The following ROBO3 variants were observed in gnomAD, a reference collection of about 807,000 sequenced individuals.
ROBO3 encodes the protein roundabout homolog 3.
Under a neutral mutation model 160.5 loss-of-function variants are expected in ROBO3, and 97 were observed. That is an observed-to-expected ratio of 0.60 (90% CI 0.51 to 0.72). ROBO3 has a LOEUF of 0.72. Ranked by LOEUF, ROBO3 falls within the 30% of genes least tolerant of loss-of-function variation. The pLI, the probability that ROBO3 is intolerant of heterozygous loss-of-function variation, is 0.00. For missense variants in ROBO3, 1,858 were observed against 1,846.5 expected, an observed-to-expected ratio of 1.01 and a Z score of -0.11; for synonymous variants, 780 against 746.2, an observed-to-expected ratio of 1.05 and a Z score of -0.74.
At position 124,878,545 on chromosome 11, in the gene ROBO3, G is replaced by A. The variant is rs777493338; in HGVS notation, c.3321-39G>A. 1.4e-5 allele frequency: 22 copies of A among 1,606,126 alleles called. No individual in the cohort carries two copies. The highest frequency in any genetic ancestry group is 1.8e-5 in the Non-Finnish European group (21 of 1,175,700). On this transcript the variant is annotated intron_variant, in intron 22 of 27. Coordinates refer to ENST00000397801, the MANE Select transcript of ROBO3 (RefSeq NM_022370.4). This position sits in a 1 kb window ranked among gnomAD's most constrained non-coding sequence, Gnocchi z 4.3. The stretch of plus-strand genomic sequence containing the variant: ...AGGCCAACGGGAAGGTATGGAAGCA[G>A]CTGAGCCCTTTCCTTCTCTCCTGCC...
rs772600021 is a variant in ROBO3, at chr11:124,865,719, G to A, written c.142G>A (p.Gly48Ser). The change falls in exon 1 of 28, where the codon GGC becomes AGC. Residue 48 changes from glycine to serine, a missense_variant. By Grantham distance (56) the Gly-to-Ser change is moderately conservative. Coordinates refer to ENST00000397801, the MANE Select transcript of ROBO3 (RefSeq NM_022370.4). The surrounding 1 kb of genome is among the most constrained non-coding windows in gnomAD (Gnocchi z 5.5). ...GCTCAACCACACCCTGCTGCCTCCC[G>A]GCGATCCCTCTCTCAACGGTGAGAC... is the stretch of plus-strand genomic sequence containing the variant. ...AALNHTLLPP[G>S]DPSLNGSRVG... 5.0e-6 allele frequency: 8 copies of A among 1,609,444 alleles called. No homozygotes were observed. In the South Asian group the frequency reaches 8.9e-5, roughly 18 times the overall value.
Position 124,876,294 on chromosome 11 carries a change from G to A in ROBO3, c.2613G>A (p.Glu871=), listed in dbSNP as rs765276708. 1 of 1,462,516 alleles carries A rather than the reference G, an allele frequency of 6.8e-7. No individual in the cohort carries two copies. Among genetic ancestry groups the A allele is most frequent in the South Asian group, 1.5e-5 (1 of 68,694 alleles). 90.6% of individuals were successfully genotyped at this position (1,462,516 alleles called of 1,614,324 possible). ...CCACAGCGTCCCCGCCGGACCTGGA[G>A]CCCGGGCTGGAGGTGGGCGCGGGGC... ...LVQLPSPPDL[E]PGLEVGAGLA... is the part of the protein sequence containing the mutation. The change falls in exon 17 of 28, where the codon GAG becomes GAA. Residue 871 remains glutamate (E), a synonymous_variant. Transcript: ENST00000397801. The surrounding 1 kb of genome is among the most constrained non-coding windows in gnomAD (Gnocchi z 5.3).
At position 124,869,757 on chromosome 11, in the gene ROBO3, A is replaced by T; in HGVS notation, c.645+150A>T. On this transcript the variant is annotated intron_variant, in intron 3 of 27. Coordinates refer to ENST00000397801, the MANE Select transcript of ROBO3 (RefSeq NM_022370.4). The surrounding 1 kb of genome is among the most constrained non-coding windows in gnomAD (Gnocchi z 4.2). ...GGGATAAGGAAGACGGAATTGGTAT[A>T]AAAAAGGGGCGGGGGCATGATGCCC... The T allele has an allele frequency of 1.6e-6, 2 of 1,265,000 alleles. No individual in the cohort carries two copies. Among genetic ancestry groups the T allele is most frequent in the South Asian group, 1.5e-5 (1 of 66,182 alleles). 78.4% of individuals were successfully genotyped at this position (1,265,000 alleles called of 1,614,324 possible).
Position 124,873,519 on chromosome 11 carries a change from G to A in ROBO3, c.1618+128G>A. 1 of 1,054,198 alleles carries A rather than the reference G, an allele frequency of 9.5e-7. No individual in the cohort carries two copies. The highest frequency in any genetic ancestry group is 2.0e-5 in the Admixed American group (1 of 49,092). 65.3% of individuals were successfully genotyped at this position (1,054,198 alleles called of 1,614,324 possible). The stretch of plus-strand genomic sequence containing the variant: ...CAAATGCCATGGTTACGGTGGTGAG[G>A]ATGAGAAGGACAGTAGTGGTACCCA... On this transcript the variant is annotated intron_variant, in intron 10 of 27. Transcript: ENST00000397801. This position sits in a 1 kb window ranked among gnomAD's most constrained non-coding sequence, Gnocchi z 4.5.
chr11:124,879,919 T>C lies in ROBO3; in HGVS notation c.3929T>C (p.Leu1310Pro). Residue 1310 changes from leucine to proline, a missense_variant, in exon 26 of 28, where the codon CTG (leucine) becomes CCG (proline). Physicochemically the swap from Leu to Pro is moderately conservative, Grantham distance 98. Coordinates refer to ENST00000397801, the MANE Select transcript of ROBO3 (RefSeq NM_022370.4). ...GERKAVQAVPLAAQRVLHPDE... is the reference protein window; with the variant it reads ...GERKAVQAVPPAAQRVLHPDE... ...AGGAAAGCGGTCCAGGCCGTGCCCC[T>C]GGCAGCCCAGCGGGTGCTCCACCCA... 6.3e-7 allele frequency: 1 copy of C among 1,599,576 alleles called. No individual in the cohort carries two copies. The highest frequency in any genetic ancestry group is 2.3e-5 in the East Asian group (1 of 44,164).
chr11:124,876,118 G>C lies in ROBO3; in HGVS notation c.2586G>C (p.Val862=). Residue 862 remains valine, a synonymous_variant, in exon 16 of 28, where the codon GTG becomes GTC. Coordinates refer to ENST00000397801, the MANE Select transcript of ROBO3 (RefSeq NM_022370.4). The surrounding 1 kb of genome is among the most constrained non-coding windows in gnomAD (Gnocchi z 5.3). Reference sequence around the variant, plus strand: ...GCGTGCCCAGTGCCCCAGTGCTGGTGCAGCTGCGTGAGTCCACCCGAGGGC... The same window carrying C: ...GCGTGCCCAGTGCCCCAGTGCTGGTCCAGCTGCGTGAGTCCACCCGAGGGC... The part of the protein sequence containing the change: ...GVGVPSAPVL[V]QLPSPPDLEP... 2 of 1,600,632 alleles carry C rather than the reference G, an allele frequency of 1.2e-6. No individual in the cohort carries two copies. Among genetic ancestry groups the C allele is most frequent in the Admixed American group, 1.7e-5 (1 of 59,778 alleles).
rs1565316645 is a variant in ROBO3 at position 124,879,849 on chromosome 11, G to A, written c.3859G>A (p.Ala1287Thr). Residue 1287 changes from alanine to threonine, a missense_variant, in exon 26 of 28, where the codon GCA (alanine) becomes ACA (threonine). By Grantham distance (58) the Ala-to-Thr change is moderately conservative (BLOSUM62 0). Transcript: ENST00000397801. ...GGCGAGCTGGGCCCTAGAGCTGAGGGCAGCAGGCAGCATGTCCTCCCTGGA... is the reference window on the plus strand; with the variant it reads ...GGCGAGCTGGGCCCTAGAGCTGAGGACAGCAGGCAGCATGTCCTCCCTGGA... The part of the protein sequence containing the change: ...EEASWALELR[A>T]AGSMSSLERE... The A allele has an allele frequency of 6.2e-7, 1 of 1,613,782 alleles. No homozygotes were observed.
Position 124,876,471 on chromosome 11 carries a change from G to C in ROBO3, c.2779+11G>C. ...TCAGCCACTACACGGGTGAGCTCCC[G>C]GCCTCGGAGCGGACGGATCCGGGAG... On this transcript the variant is annotated intron_variant, in intron 17 of 27. Transcript: ENST00000397801. This position sits in a 1 kb window ranked among gnomAD's most constrained non-coding sequence, Gnocchi z 5.3. 1 of 1,378,430 alleles carries C rather than the reference G, an allele frequency of 7.3e-7. No homozygotes were observed. Among genetic ancestry groups the C allele is most frequent in the East Asian group, 3.0e-5 (1 of 33,800 alleles). 85.4% of individuals were successfully genotyped at this position (1,378,430 alleles called of 1,614,324 possible).
chr11:124,879,128 G>A (rs1946488098), intron 23 of ROBO3, 62 bp from the exon 24 acceptor site: 3 of 1,509,488 alleles, frequency 2.0e-6, no homozygotes, highest in East Asian at 4.9e-5. Context: ...ACAGTGCCAG[G>A]CACATAGTAG....
Position 124,877,619 on chromosome 11 carries a change from T to C in ROBO3, c.2947T>C (p.Cys983Arg), listed in dbSNP as rs765206958. The C allele has an allele frequency of 1.1e-5, 17 of 1,610,412 alleles. No individual in the cohort carries two copies. The highest frequency in any genetic ancestry group is 1.7e-5 in the Admixed American group (1 of 59,548). ...GGCCCAGGAACCCAGGGGAAGCTGC[T>C]GCCCTAGCAATCCTGACCCGGACGA... ...PSAQEPRGSC[C>R]PSNPDPDDRY... The change falls in exon 20 of 28, where the codon TGC (cysteine) becomes CGC (arginine). Residue 983 changes from cysteine (C) to arginine (R), a missense_variant. Physicochemically the swap from Cys to Arg is radical, Grantham distance 180. Transcript: ENST00000397801.
intron 15 of ROBO3, 57 bp from the exon 16 acceptor site, chr11:124,875,897 C>T (rs1946354486): frequency 6.4e-7 from 1 of 1,552,692 alleles, no homozygotes. Flanking sequence ...CCTTAAGTTT[C>T]CCGGTGAGGC....
In ROBO3 at chr11:124,876,997, C is replaced by A. The variant is rs555415423; in HGVS notation, c.2780-164C>A. ...CACTTGAGGGGCTTGAGAAAAATAC[C>A]GACACCTGAGTCCCACCCCCGAGAA... On this transcript the variant is annotated intron_variant, in intron 17 of 27. Transcript: ENST00000397801. The surrounding 1 kb of genome is among the most constrained non-coding windows in gnomAD (Gnocchi z 5.3). The A allele has an allele frequency of 2.3e-4, 185 of 790,654 alleles. No homozygotes were observed. The highest frequency in any genetic ancestry group is 3.5e-4 in the Non-Finnish European group (161 of 454,000). The allele number at this position is 790,654 out of a possible 1,614,324, so 49.0% of individuals were successfully genotyped here.
rs980106741 is a variant in ROBO3, at chr11:124,870,291, T to G, written c.893T>G (p.Leu298Arg). ...RLRWRKEDGE[L>R]PTGRYEIRSD... The stretch of plus-strand genomic sequence containing the variant: ...CGCTGGCGCAAGGAGGATGGGGAAC[T>G]GCCCACAGGCAGGTGAGAGACCCCC... The change falls in exon 5 of 28, where the codon CTG (leucine) becomes CGG (arginine). Residue 298 changes from leucine (L) to arginine (R), a missense_variant. Leu to Arg is a moderately radical substitution (Grantham distance 102). Transcript: ENST00000397801. The G allele has an allele frequency of 6.2e-7, 1 of 1,613,698 alleles. No individual in the cohort carries two copies. The highest frequency in any genetic ancestry group is 8.5e-7 in the Non-Finnish European group (1 of 1,179,784).
At position 124,881,057 on chromosome 11, in the gene ROBO3, C is replaced by T. The variant is rs112861867; in HGVS notation, c.4150-182C>T. Reference sequence around the variant, plus strand: ...CGACAGAGTGAGACTCTGTCTCAAACAAACAAACAGACAAACAAAACAAAA... The same window carrying T: ...CGACAGAGTGAGACTCTGTCTCAAATAAACAAACAGACAAACAAAACAAAA... On this transcript the variant is annotated intron_variant, in intron 27 of 27. Transcript: ENST00000397801. Among the ~76,000 whole-genome samples the T allele has an allele frequency of 1.3e-3, 192 of 151,990 alleles. 1 individual carries two copies. The highest frequency in any genetic ancestry group is 4.4e-3 in the African/African-American group (183 of 41,500).
chr11:124,873,043 A>G lies in ROBO3; in HGVS notation c.1490A>G (p.Gln497Arg), dbSNP rs1394014151. 4 of 1,613,822 alleles carry G rather than the reference A, an allele frequency of 2.5e-6. No individual in the cohort carries two copies. The African/African-American group carries it at 5.3e-5, about 22-fold the overall frequency. Residue 497 changes from glutamine (Q) to arginine (R), a missense_variant, in exon 9 of 28, where the codon CAG becomes CGG. Coordinates refer to ENST00000397801, the MANE Select transcript of ROBO3 (RefSeq NM_022370.4). This position sits in a 1 kb window ranked among gnomAD's most constrained non-coding sequence, Gnocchi z 4.5. ...CAGTGGCTGCAGGGGGATGACCTCCAGTTCAAGACAATGGCCAACGGTACC... is the reference window on the plus strand; with the variant it reads ...CAGTGGCTGCAGGGGGATGACCTCCGGTTCAAGACAATGGCCAACGGTACC... ...DGQWLQGDDL[Q>R]FKTMANGTLY...
At chr11:124,875,056 G>A (rs539381445) in intron 13 of ROBO3, 55 bp from the exon 14 acceptor site, 2 of 1,522,838 alleles carry the variant, frequency 1.3e-6, no homozygotes, top group South Asian at 2.5e-5. Flanking sequence ...ATGGCCTGGA[G>A]GGCCTGTATG....
chr11:124,871,306 G>C (rs547468960), intron 7 of ROBO3, among the ~76,000 whole-genome samples, 168 bp downstream of exon 7: 55 of 152,338 alleles, frequency 3.6e-4, no homozygotes, highest in African/African-American at 1.2e-3. Flanking sequence ...GAATATAAAA[G>C]GCCTGGAACA....
rs1439946246 is a variant in ROBO3 at position 124,878,465 on chromosome 11, C to CA, written c.3320+30dup. ...GAGATGCTCCCTGCTTCCAGGCCCACACACCTGCGGCCAGACCATGGGCTG... is the reference window on the plus strand; with the variant it reads ...GAGATGCTCCCTGCTTCCAGGCCCACAACACCTGCGGCCAGACCATGGGCTG... On this transcript the variant is annotated intron_variant, in intron 22 of 27. Coordinates refer to ENST00000397801, the MANE Select transcript of ROBO3 (RefSeq NM_022370.4). The surrounding 1 kb of genome is among the most constrained non-coding windows in gnomAD (Gnocchi z 4.3). The CA allele has an allele frequency of 1.9e-6, 3 of 1,609,238 alleles. No individual in the cohort carries two copies. The highest frequency in any genetic ancestry group is 2.5e-6 in the Non-Finnish European group (3 of 1,176,984).
At position 124,865,780 on chromosome 11, in the gene ROBO3, A is replaced by G; in HGVS notation, c.160+43A>G. On this transcript the variant is annotated intron_variant, in intron 1 of 27. Transcript: ENST00000397801. This position sits in a 1 kb window ranked among gnomAD's most constrained non-coding sequence, Gnocchi z 5.5. ...GGGGATATGGGATCCTGGGATGGGG[A>G]TGAGGTGAGAGGGCGGCGTGGAAGG... is the stretch of plus-strand genomic sequence containing the variant. 1 of 1,558,382 alleles carries G rather than the reference A, an allele frequency of 6.4e-7. No individual in the cohort carries two copies. Among genetic ancestry groups the G allele is most frequent in the South Asian group, 1.2e-5 (1 of 84,764 alleles).
Sources: gnomAD v4.1 joint callset for allele counts (sites outside exome capture counted in the v4.1 genomes callset) on GRCh38, gnomAD v4.1.1 for gene constraint, Gnocchi (gnomAD v3.1) non-coding constraint, MANE v1.5 for transcripts, NCBI Gene and HGNC (gene_info 2026-07-23, HGNC 2026-07-21) for gene names.